GBE1: variants seen among roughly 807,000 people sequenced by gnomAD.
GBE1 encodes the protein 1,4-alpha-glucan-branching enzyme.
In GBE1, 70 loss-of-function variants were observed where a neutral mutation model predicts 88.8. The ratio of observed to expected loss-of-function variants is 0.79; its 90% CI spans 0.65 to 0.96. The LOEUF (loss-of-function observed/expected upper bound fraction) is 0.96, where lower values mean the gene tolerates loss of function less well. GBE1 is among the 40% of genes least tolerant of loss of function. GBE1 has a pLI of 0.00. For missense variants in GBE1, 872 were observed against 871.0 expected (o/e 1.00, Z -0.01); for synonymous variants, 284 against 300.1 (o/e 0.95, Z 0.56).
chr3:81,692,357 T>A (rs1326806858), intron 2 of GBE1, among the ~76,000 whole-genome samples: 1 of 152,210 alleles, frequency 6.6e-6, no homozygotes, highest in Non-Finnish European at 1.5e-5. Flanking sequence ...TGTTTGCTTT[T>A]CAACCTCAAT....
chr3:81,640,747 A>G (rs368010078), intron 7 of GBE1, among the ~76,000 whole-genome samples: 1 of 152,150 alleles, frequency 6.6e-6, no homozygotes, highest in African/African-American at 2.4e-5. Context: ...GTCAAACAGA[A>G]TGACATGTAG....
chr3:81,504,078 T>A (rs1702624141), intron 14 of GBE1, among the ~76,000 whole-genome samples: 1 of 152,124 alleles, frequency 6.6e-6, no homozygotes, highest in Admixed American at 6.6e-5. Flanking sequence ...AGTCACTTGT[T>A]ACCATGGGGA....
chr3:81,664,439 C>CA (rs5850531), intron 3 of GBE1, among the ~76,000 whole-genome samples: 1,888 of 89,416 alleles, frequency 0.021, 27 homozygotes, highest in African/African-American at 0.054. Flanking sequence ...TTGAATGTGT[C>CA]AAAAAAAAAA....
intron 11 of GBE1, 47 bp downstream of exon 11, chr3:81,581,118 A>AAG (rs555859246): frequency 3.1e-5 from 32 of 1,019,090 alleles, no homozygotes; most frequent in South Asian, 4.3e-5. Context: ...GGGAAGGAGG[A>AAG]AGAGAGAGAG....
rs1491164773 is a variant in GBE1, at chr3:81,619,890, C to CT, written c.992+22890dup. Among the ~76,000 whole-genome samples, 248 of 151,714 alleles carry CT rather than the reference C, an allele frequency of 1.6e-3. 4 individuals carry two copies. The highest frequency in any genetic ancestry group is 0.016 in the Admixed American group (240 of 15,244). Reference sequence around the variant, plus strand: ...TTTAAAATGAAGTTTTTCTTTTTACCTTTTTTTGTAGATCTCTTAGAGTAA... The same window carrying CT: ...TTTAAAATGAAGTTTTTCTTTTTACCTTTTTTTTGTAGATCTCTTAGAGTAA... On this transcript the variant is annotated intron_variant, in intron 7 of 15. Coordinates refer to ENST00000429644, the MANE Select transcript of GBE1 (RefSeq NM_000158.4).
chr3:81,621,579 T>C (rs2107014158), intron 7 of GBE1, among the ~76,000 whole-genome samples: 1 of 152,162 alleles, frequency 6.6e-6, no homozygotes, highest in East Asian at 1.9e-4. Context: ...CAACAGAAAA[T>C]TACTCCTAAC....
At chr3:81,512,746 C>T (rs1363867527) in intron 14 of GBE1, among the ~76,000 whole-genome samples, 1 of 151,696 alleles carries the variant, frequency 6.6e-6, no homozygotes, top group African/African-American at 2.4e-5. Context: ...AAAATGCTTG[C>T]CTAACCAGTA....
chr3:81,571,122 G>A (rs1703567764), intron 12 of GBE1, among the ~76,000 whole-genome samples: 4 of 152,188 alleles, frequency 2.6e-5, no homozygotes, highest in Admixed American at 2.0e-4. Context: ...GATAGGAAAA[G>A]AGACAGAATT....
chr3:81,554,376 G>T (rs1426228313), intron 12 of GBE1, among the ~76,000 whole-genome samples: 1 of 152,150 alleles, frequency 6.6e-6, no homozygotes, highest in African/African-American at 2.4e-5. Flanking sequence ...AGAAAAATGG[G>T]ATATGAAAGC....
chr3:81,571,614 C>T (rs1273982059), intron 12 of GBE1, among the ~76,000 whole-genome samples: 2 of 152,078 alleles, frequency 1.3e-5, no homozygotes, highest in African/African-American at 2.4e-5. Context: ...TTCTATAACA[C>T]TACAATCCCC....
chr3:81,674,486 G>A (rs1241450142), intron 2 of GBE1, among the ~76,000 whole-genome samples: 3 of 151,826 alleles, frequency 2.0e-5, no homozygotes, highest in Non-Finnish European at 4.4e-5. Flanking sequence ...GAAGCACACA[G>A]TTAAAAATAA....
intron 1 of GBE1, among the ~76,000 whole-genome samples, chr3:81,706,608 G>A (rs746074915): frequency 1.2e-4 from 18 of 152,146 alleles, no homozygotes; most frequent in Admixed American, 3.3e-4. Flanking sequence ...CCAGAAAGAT[G>A]GCAGGAATCG....
At chr3:81,742,696 G>C (rs1388201012) in intron 1 of GBE1, among the ~76,000 whole-genome samples, 1 of 152,100 alleles carries the variant, frequency 6.6e-6, no homozygotes, top group Non-Finnish European at 1.5e-5. Context: ...TTTTTAAATA[G>C]GAGAATGTTC....
At chr3:81,580,048 A>G (rs1342918142) in intron 11 of GBE1, among the ~76,000 whole-genome samples, 1 of 152,148 alleles carries the variant, frequency 6.6e-6, no homozygotes, top group Non-Finnish European at 1.5e-5. Flanking sequence ...ATTAGAGGAG[A>G]CACCTGAAAA....
At chr3:81,666,079 T>C (rs1705110474) in intron 3 of GBE1, among the ~76,000 whole-genome samples, 1 of 152,164 alleles carries the variant, frequency 6.6e-6, no homozygotes, top group Non-Finnish European at 1.5e-5. Flanking sequence ...TTCAAGTAAC[T>C]AACATAATAA....
At chr3:81,740,005 A>G (rs953884915) in intron 1 of GBE1, among the ~76,000 whole-genome samples, 3 of 152,088 alleles carry the variant, frequency 2.0e-5, no homozygotes, top group Non-Finnish European at 2.9e-5. Flanking sequence ...CAGGAGAATC[A>G]CCTGAGCCCA....
At chr3:81,536,882 A>T in intron 13 of GBE1, 29 bp downstream of exon 13, 6 of 1,542,008 alleles carry the variant, frequency 3.9e-6, no homozygotes, top group Non-Finnish European at 5.2e-6. Flanking sequence ...TTGGTGACTA[A>T]AACACAGCAT....
At position 81,745,116 on chromosome 3, in the gene GBE1, T is replaced by C. The variant is rs1393559232; in HGVS notation, c.143+16259A>G. Among the ~76,000 whole-genome samples, 4 of 152,168 alleles carry C rather than the reference T, an allele frequency of 2.6e-5. No homozygotes were observed. The East Asian group carries it at 5.8e-4, about 22-fold the overall frequency. The stretch of plus-strand genomic sequence containing the variant: ...TTTGTTCTGCTATCATATAGAAAAG[T>C]GCCTGTGCCAAAGAGAGTGTTAGGA... On this transcript the variant is annotated intron_variant, in intron 1 of 15. Transcript: ENST00000429644.
At chr3:81,596,732 T>C (rs1703961580) in intron 7 of GBE1, among the ~76,000 whole-genome samples, 1 of 151,848 alleles carries the variant, frequency 6.6e-6, no homozygotes, top group Non-Finnish European at 1.5e-5. Context: ...TTCTCAAATA[T>C]ACATTAAAGA....
Sources: gnomAD v4.1 joint callset for allele counts (sites outside exome capture counted in the v4.1 genomes callset) on GRCh38, gnomAD v4.1.1 for gene constraint, MANE v1.5 for transcripts, NCBI Gene and HGNC (gene_info 2026-07-23, HGNC 2026-07-21) for gene names.